The following MTMR2 variants were observed in gnomAD, a reference collection of about 807,000 sequenced individuals.
MTMR2 encodes the protein phosphatidylinositol-3,5-bisphosphate 3-phosphatase MTMR2.
MTMR2 carries 55 observed loss-of-function variants against 86.9 expected under a neutral mutation model. That is an observed-to-expected ratio of 0.63 (90% CI 0.51 to 0.79). The LOEUF is 0.79. Ranked by LOEUF, MTMR2 falls within the 30% of genes least tolerant of loss-of-function variation. MTMR2 has a pLI of 0.00. For synonymous variants in MTMR2, 241 were observed against 266.8 expected, an observed-to-expected ratio of 0.90 and a Z score of 0.94; for missense variants, 659 against 772.3, an observed-to-expected ratio of 0.85 and a Z score of 1.74.
chr11:95,894,196 T>C (rs1425983138), intron 1 of MTMR2, among the ~76,000 whole-genome samples: 1 of 152,176 alleles, frequency 6.6e-6, no homozygotes, highest in Non-Finnish European at 1.5e-5. Flanking sequence ...CTTTGTCCCA[T>C]CTATCTTGTA....
chr11:95,874,524 C>T (rs1287871817), intron 2 of MTMR2, among the ~76,000 whole-genome samples: 6 of 152,238 alleles, frequency 3.9e-5, no homozygotes, highest in African/African-American at 1.2e-4. Context: ...ATACAGCACA[C>T]TGATGGGTCT....
At chr11:95,880,945 C>G (rs1450242538) in intron 2 of MTMR2, among the ~76,000 whole-genome samples, 2 of 151,968 alleles carry the variant, frequency 1.3e-5, no homozygotes, top group Non-Finnish European at 2.9e-5. Context: ...TTAGCACAAT[C>G]AAAATAATAA....
chr11:95,910,647 C>T (rs1465109841), intron 1 of MTMR2, among the ~76,000 whole-genome samples: 1 of 152,012 alleles, frequency 6.6e-6, no homozygotes, highest in Non-Finnish European at 1.5e-5. Flanking sequence ...TTCAATTTTT[C>T]TTCAATATTC....
At chr11:95,845,374 G>C (rs1863742877) in intron 10 of MTMR2, among the ~76,000 whole-genome samples, 1 of 152,020 alleles carries the variant, frequency 6.6e-6, no homozygotes, top group African/African-American at 2.4e-5. Context: ...CTATTAATTT[G>C]CCCAACGAAA....
chr11:95,853,644 C>T (rs1387094254), intron 7 of MTMR2, among the ~76,000 whole-genome samples: 2 of 152,126 alleles, frequency 1.3e-5, no homozygotes, highest in Non-Finnish European at 2.9e-5. Flanking sequence ...CTTGCTCTAT[C>T]AGACTATTCA....
At position 95,835,361 on chromosome 11, in the gene MTMR2, G is replaced by A. The variant is rs753364428; in HGVS notation, c.1861C>T (p.Arg621Ter). 67 of 1,612,930 alleles carry A rather than the reference G, an allele frequency of 4.2e-5. No individual in the cohort carries two copies. Among genetic ancestry groups the A allele is most frequent in the African/African-American group, 5.3e-5 (4 of 74,860 alleles). Residue 621 changes from arginine (R) to a stop codon, truncating the protein, a stop_gained, in exon 15 of 15, where the codon CGA becomes TGA. Coordinates refer to ENST00000346299, the MANE Select transcript of MTMR2 (RefSeq NM_016156.6). LOFTEE classifies it high-confidence loss of function. ...GCTCTCTCTGAGGATGAGGTTGATC[G>A]GTTAGAAATCTCTCTCTGTAGTTCC... Reference protein sequence around the residue: ...VEELQREISNRSTSSSERASS... With the variant: ...VEELQREISN
In MTMR2 at chr11:95,832,964, C is replaced by T. The variant is rs1191702286; in HGVS notation, c.*2326G>A. The T allele has an allele frequency of 6.6e-6, 1 of 152,050 alleles. No homozygotes were observed. Among genetic ancestry groups the T allele is most frequent in the Non-Finnish European group, 1.5e-5 (1 of 68,004 alleles). 9.4% of individuals were successfully genotyped at this position (152,050 alleles called of 1,614,324 possible). ...GTGGTAGACATGTGAATTGTTCATTCCAATATAATGTGAATTGCAGTGGTA... is the reference window on the plus strand; with the variant it reads ...GTGGTAGACATGTGAATTGTTCATTTCAATATAATGTGAATTGCAGTGGTA... On this transcript the variant is annotated 3_prime_UTR_variant, in exon 15 of 15. Transcript: ENST00000346299.
chr11:95,920,905 T>C (rs1288901350), intron 1 of MTMR2, among the ~76,000 whole-genome samples: 2 of 152,180 alleles, frequency 1.3e-5, no homozygotes, highest in Non-Finnish European at 2.9e-5. Flanking sequence ...CTCGGCCAAG[T>C]ATGTCATTTT....
intron 1 of MTMR2, among the ~76,000 whole-genome samples, chr11:95,922,437 A>T (rs956189300): frequency 6.6e-6 from 1 of 152,200 alleles, no homozygotes; most frequent in African/African-American, 2.4e-5. Context: ...GTTAATCCTC[A>T]GCTTTCCAAA....
At chr11:95,919,301 A>T (rs1038572069) in intron 1 of MTMR2, among the ~76,000 whole-genome samples, 2 of 152,256 alleles carry the variant, frequency 1.3e-5, no homozygotes. Context: ...TCAAATGATG[A>T]TAATTTTAAG....
chr11:95,855,517 G>C (rs1247493964), intron 7 of MTMR2, among the ~76,000 whole-genome samples: 1 of 152,144 alleles, frequency 6.6e-6, no homozygotes, highest in African/African-American at 2.4e-5. Context: ...CTCCCAAAGT[G>C]CTGGGATTAC....
At chr11:95,877,964 G>A (rs1161811710) in intron 2 of MTMR2, among the ~76,000 whole-genome samples, 4 of 151,554 alleles carry the variant, frequency 2.6e-5, no homozygotes, top group Non-Finnish European at 4.4e-5. Flanking sequence ...CCTAAGAAAC[G>A]AATGCCTAAT....
At chr11:95,923,848 G>T in intron 1 of MTMR2, 27 bp downstream of exon 1, 1 of 1,539,100 alleles carries the variant, frequency 6.5e-7, no homozygotes, top group Non-Finnish European at 8.8e-7. Context: ...TTCGGACGCT[G>T]GGCGGGGCCC....
intron 7 of MTMR2, among the ~76,000 whole-genome samples, chr11:95,855,232 T>C (rs1461884588): frequency 1.3e-5 from 2 of 151,428 alleles, no homozygotes; most frequent in African/African-American, 4.9e-5. Context: ...CCTAAATGGT[T>C]ATTAATAACT....
chr11:95,847,802 C>G lies in MTMR2; in HGVS notation c.1091G>C (p.Arg364Pro). 6.2e-7 allele frequency: 1 copy of G among 1,613,528 alleles called. No homozygotes were observed. The highest frequency in any genetic ancestry group is 8.5e-7 in the Non-Finnish European group (1 of 1,179,556). Residue 364 changes from arginine to proline, a missense_variant, in exon 10 of 15, where the codon CGA becomes CCA. Coordinates refer to ENST00000346299, the MANE Select transcript of MTMR2 (RefSeq NM_016156.6). ...HNIHVMRESL[R>P]KLKEIVYPNI... ...GGGGTACACAATCTCCTTAAGTTTT[C>G]GTAATGATTCTCTCATAACATGAAT...
intron 7 of MTMR2, among the ~76,000 whole-genome samples, chr11:95,856,915 T>C (rs558853482): frequency 6.6e-6 from 1 of 152,188 alleles, no homozygotes; most frequent in Non-Finnish European, 1.5e-5. Context: ...GTTTCTTGTA[T>C]ACTCTTGGCT....
intron 7 of MTMR2, among the ~76,000 whole-genome samples, chr11:95,855,996 G>A (rs1038198045): frequency 1.3e-5 from 2 of 152,042 alleles, no homozygotes; most frequent in Non-Finnish European, 2.9e-5. Flanking sequence ...AAATTTTATG[G>A]TATGTGAGTT....
chr11:95,898,017 G>C (rs977533952), intron 1 of MTMR2, among the ~76,000 whole-genome samples: 1 of 152,028 alleles, frequency 6.6e-6, no homozygotes, highest in Non-Finnish European at 1.5e-5. Context: ...AAACACTTTG[G>C]AGTAATCTTG....
chr11:95,915,298 C>T (rs1866657077), intron 1 of MTMR2, among the ~76,000 whole-genome samples: 2 of 152,112 alleles, frequency 1.3e-5, no homozygotes, highest in Admixed American at 1.3e-4. Flanking sequence ...TCCTCCCTAC[C>T]TCAGCAACTG....
Sources: gnomAD v4.1 joint callset for allele counts (sites outside exome capture counted in the v4.1 genomes callset) on GRCh38, gnomAD v4.1.1 for gene constraint, MANE v1.5 for transcripts, NCBI Gene and HGNC (gene_info 2026-07-23, HGNC 2026-07-21) for gene names.